The following PAPPA2 variants were observed in gnomAD, a reference collection of about 807,000 sequenced individuals.
PAPPA2 encodes pappalysin-2.
A neutral mutation model predicts 176.4 loss-of-function variants in PAPPA2; 86 were observed. The ratio of observed to expected loss-of-function variants is 0.49; its 90% CI spans 0.41 to 0.58. PAPPA2 has a LOEUF of 0.58. Ranked by LOEUF, PAPPA2 falls within the 20% of genes least tolerant of loss-of-function variation. The probability of loss-of-function intolerance (pLI) is 0.00; values close to 1 mark genes in which losing one functional copy is unlikely to be tolerated. For synonymous variants in PAPPA2, 809 were observed against 852.2 expected (o/e 0.95, Z 0.88); for missense variants, 2,073 against 2,256.9 (o/e 0.92, Z 1.65).
chr1:176,819,412 G>A (rs1571374227), intron 21 of PAPPA2, among the ~76,000 whole-genome samples: 1 of 152,152 alleles, frequency 6.6e-6, no homozygotes, highest in Non-Finnish European at 1.5e-5. Context: ...GGTCTCTTCA[G>A]CTATTTGAAG....
intron 3 of PAPPA2, among the ~76,000 whole-genome samples, chr1:176,660,699 AAC>A (rs922929846): frequency 2.0e-4 from 31 of 152,104 alleles, no homozygotes; most frequent in African/African-American, 7.5e-4. Flanking sequence ...CACTCTCCAA[AAC>A]AGTGTCTTCC....
rs1409001087 is a variant in PAPPA2, at chr1:176,769,648, G to A, written c.4365G>A (p.Gln1455=). ...LLTCSSGHWD[Q]NVSCLPVDCG... ...CATGTTCTTCTGGGCACTGGGACCAGAATGTGAGCTGCCTTCCCGTGGACT... is the reference window on the plus strand; with the variant it reads ...CATGTTCTTCTGGGCACTGGGACCAAAATGTGAGCTGCCTTCCCGTGGACT... The change falls in exon 16 of 23, where the codon CAG becomes CAA. Residue 1455 remains glutamine (Q), a synonymous_variant. Transcript: ENST00000367662. The A allele has an allele frequency of 6.2e-7, 1 of 1,613,736 alleles. No homozygotes were observed. Among genetic ancestry groups the A allele is most frequent in the Non-Finnish European group, 8.5e-7 (1 of 1,179,906 alleles).
At chr1:176,678,751 A>G (rs1228810051) in intron 4 of PAPPA2, among the ~76,000 whole-genome samples, 2 of 152,086 alleles carry the variant, frequency 1.3e-5, no homozygotes, top group Non-Finnish European at 2.9e-5. Flanking sequence ...TATTTCTCAT[A>G]TGCCTACTAA....
chr1:176,836,177 T>C (rs538494210), intron 21 of PAPPA2, among the ~76,000 whole-genome samples: 17 of 152,296 alleles, frequency 1.1e-4, no homozygotes, highest in East Asian at 9.7e-4. Flanking sequence ...CTTTGGGGCC[T>C]GATAGAACTG....
chr1:176,510,810 TACACACACACAC>T (rs200808228), intron 1 of PAPPA2, among the ~76,000 whole-genome samples: 147 of 126,562 alleles, frequency 1.2e-3, no homozygotes, highest in East Asian at 4.7e-3. Flanking sequence ...AAGCAACACA[TACACACACACAC>T]ACACACACAC....
At chr1:176,760,534 C>T (rs569677541) in intron 14 of PAPPA2, among the ~76,000 whole-genome samples, 1 of 152,256 alleles carries the variant, frequency 6.6e-6, no homozygotes, top group East Asian at 1.9e-4. Flanking sequence ...GGGGATAAAG[C>T]AGGAGTATAT....
rs1296027658 is a variant in PAPPA2, at chr1:176,709,983, G to A, written c.3458G>A (p.Gly1153Glu). ...TGTGTCACACAATATTTCTTGGCAG[G>A]AGAGCCAAGCCTTTGCTACATGTAT... ...CELEEGFNCV[G>E]EPSLCYMYEG... The change falls in exon 11 of 23, where the codon GGA becomes GAA. Residue 1153 changes from glycine to glutamate, a missense_variant and splice_region_variant. Gly to Glu is a moderately conservative substitution (Grantham distance 98, BLOSUM62 -2). Coordinates refer to ENST00000367662, the MANE Select transcript of PAPPA2 (RefSeq NM_020318.3). The A allele has an allele frequency of 2.5e-6, 4 of 1,589,544 alleles. No homozygotes were observed. Among genetic ancestry groups the A allele is most frequent in the Non-Finnish European group, 3.4e-6 (4 of 1,169,700 alleles).
intron 1 of PAPPA2, among the ~76,000 whole-genome samples, chr1:176,494,540 A>G (rs1484980618): frequency 6.6e-6 from 1 of 152,224 alleles, no homozygotes; most frequent in Non-Finnish European, 1.5e-5. Flanking sequence ...TTCTATTAAA[A>G]TCAAAGAGCC....
chr1:176,539,504 T>G (rs984057667), intron 1 of PAPPA2, among the ~76,000 whole-genome samples: 2 of 152,180 alleles, frequency 1.3e-5, no homozygotes, highest in African/African-American at 2.4e-5. Context: ...GACATACAGC[T>G]AAATAAGGGA....
rs201643892 is a variant in PAPPA2, at chr1:176,594,636, C to T, written c.1032C>T (p.Thr344=). ...CTCGCTTCTTCTTCTCCCTCTGCAC[C>T]GACCGCGTGAAGAAAGCCACCATCT... ...RDARFFFSLC[T]DRVKKATILI... The change falls in exon 3 of 23, where the codon ACC becomes ACT. Residue 344 remains threonine (T), a synonymous_variant. Transcript: ENST00000367662. 282 of 1,614,186 alleles carry T rather than the reference C, an allele frequency of 1.7e-4. No individual in the cohort carries two copies. Among genetic ancestry groups the T allele is most frequent in the African/African-American group, 7.9e-4 (59 of 75,046 alleles).
intron 3 of PAPPA2, chr1:176,616,371 G>A (rs1655258620): frequency 3.5e-6 from 2 of 578,502 alleles, no homozygotes; most frequent in African/African-American, 1.9e-5. Flanking sequence ...GCTTTTAAAA[G>A]CTCCACTCCG....
At chr1:176,758,434 A>G (rs1321790987) in intron 14 of PAPPA2, among the ~76,000 whole-genome samples, 1 of 152,142 alleles carries the variant, frequency 6.6e-6, no homozygotes, top group African/African-American at 2.4e-5. Flanking sequence ...ATTGTTGTTA[A>G]TGGTTTGCAT....
chr1:176,775,488 A>G (rs1664417289), intron 17 of PAPPA2, among the ~76,000 whole-genome samples: 1 of 152,158 alleles, frequency 6.6e-6, no homozygotes, highest in Non-Finnish European at 1.5e-5. Context: ...AGACAGTTTC[A>G]ATTTTATTTA....
At chr1:176,816,273 G>T (rs960946644) in intron 21 of PAPPA2, among the ~76,000 whole-genome samples, 1 of 131,486 alleles carries the variant, frequency 7.6e-6, no homozygotes, top group Non-Finnish European at 1.6e-5. Context: ...ATGTACACAC[G>T]TATATATAAT....
intron 1 of PAPPA2, among the ~76,000 whole-genome samples, chr1:176,485,654 C>A (rs1361736326): frequency 6.6e-6 from 1 of 152,118 alleles, no homozygotes; most frequent in Non-Finnish European, 1.5e-5. Context: ...ATATAAGCTG[C>A]AAGAGAGCAG....
chr1:176,616,688 T>C (rs1558474692), intron 3 of PAPPA2: 1 of 1,521,082 alleles, frequency 6.6e-7, no homozygotes, highest in Non-Finnish European at 9.1e-7. Context: ...TAAGCTCCTC[T>C]ATAAATTTAT....
intron 12 of PAPPA2, 146 bp from the exon 13 acceptor site, chr1:176,739,480 T>A: frequency 1.3e-6 from 1 of 749,962 alleles, no homozygotes. Context: ...TTTCTGTGTC[T>A]ACTCCATATT....
chr1:176,514,163 T>C (rs1648772168), intron 1 of PAPPA2, among the ~76,000 whole-genome samples: 2 of 152,192 alleles, frequency 1.3e-5, no homozygotes, highest in African/African-American at 4.8e-5. Flanking sequence ...AGAAGCATAG[T>C]GCCAGCATCT....
At chr1:176,795,141 A>G (rs1237937142) in intron 20 of PAPPA2, among the ~76,000 whole-genome samples, 1 of 152,234 alleles carries the variant, frequency 6.6e-6, no homozygotes, top group African/African-American at 2.4e-5. Context: ...AAGTGGGAGA[A>G]GCTCCCTCAG....
Sources: allele counts gnomAD v4.1 joint callset (sites outside exome capture counted in the v4.1 genomes callset), GRCh38; gene constraint gnomAD v4.1.1; transcripts MANE v1.5; gene names NCBI Gene and HGNC (gene_info 2026-07-23, HGNC 2026-07-21).